NLRP11: variants seen among roughly 807,000 people sequenced by gnomAD.
The protein encoded by NLRP11 is NACHT, LRR and PYD domains-containing protein 11.
A neutral mutation model predicts 79.3 loss-of-function variants in NLRP11; 53 were observed. That is an observed-to-expected ratio of 0.67 (90% CI 0.54 to 0.84). The LOEUF (loss-of-function observed/expected upper bound fraction) is 0.84. Among genes scored for constraint, NLRP11 ranks in the 40% least tolerant of loss-of-function variants. NLRP11 has a pLI of 0.00. For synonymous variants in NLRP11, 518 were observed against 462.6 expected, an observed-to-expected ratio of 1.12 and a Z score of -1.54; for missense variants, 1,264 against 1,255.0, an observed-to-expected ratio of 1.01 and a Z score of -0.11.
In NLRP11 at chr19:55,809,325, CAG is replaced by C; in HGVS notation, c.1283_1284del (p.Ser428CysfsTer15). 6.2e-7 allele frequency: 1 copy of C among 1,614,020 alleles called. No individual in the cohort carries two copies. The highest frequency in any genetic ancestry group is 2.2e-5 in the East Asian group (1 of 44,894). ...AAAAGAATATTCGCGGCCTGCAACA[CAG>C]AGACATCAGCCTCAGTAAACCCAAC... On this transcript the variant is annotated frameshift_variant, in exon 3 of 10. Coordinates refer to ENST00000589093, the Ensembl canonical transcript of NLRP11. LOFTEE classifies it high-confidence loss of function. The surrounding 1 kb of genome is among the most constrained non-coding windows in gnomAD (Gnocchi z 4.5).
chr19:55,801,683 C>G, exon 5 of NLRP11: 1 of 1,613,780 alleles, frequency 6.2e-7, no homozygotes, highest in African/African-American at 1.3e-5. Context: ...GCTCCGATTA[C>G]GAGCCAAAGC....
rs1263471132 is a variant in NLRP11 at position 55,809,585 on chromosome 19, C to T, written c.1025G>A (p.Cys342Tyr). 1 of 1,614,198 alleles carries T rather than the reference C, an allele frequency of 6.2e-7. No homozygotes were observed. The highest frequency in any genetic ancestry group is 1.1e-5 in the South Asian group (1 of 91,078). ...CTTCAGGACAGTACACGTGATCCAGCATAAGATGGCGACTCGGCACAGACC... is the reference window on the plus strand; with the variant it reads ...CTTCAGGACAGTACACGTGATCCAGTATAAGATGGCGACTCGGCACAGACC... Residue 342 changes from cysteine to tyrosine, a missense_variant, in exon 3 of 10, where the codon TGC becomes TAC. Physicochemically the swap from Cys to Tyr is radical, Grantham distance 194. Transcript: ENST00000589093. The surrounding 1 kb of genome is among the most constrained non-coding windows in gnomAD (Gnocchi z 4.5).
intron 5 of NLRP11, among the ~76,000 whole-genome samples, chr19:55,798,649 C>T (rs1979172975): frequency 6.6e-6 from 1 of 152,118 alleles, no homozygotes; most frequent in Non-Finnish European, 1.5e-5. Flanking sequence ...ACACGCATCC[C>T]TGAAGCTAAA....
chr19:55,830,767 C>T (rs79767214), intron 1 of NLRP11, among the ~76,000 whole-genome samples: 14,730 of 102,588 alleles, frequency 0.14, 1,037 homozygotes, highest in African/African-American at 0.42. Flanking sequence ...CTATAAGGTG[C>T]CAACTGAACT....
intron 1 of NLRP11, among the ~76,000 whole-genome samples, chr19:55,821,249 A>ACACC (rs1443325918): frequency 1.2e-3 from 147 of 124,410 alleles, no homozygotes; most frequent in East Asian, 8.1e-3. Flanking sequence ...ACACACACAC[A>ACACC]CCCCAAGCAC....
intron 6 of NLRP11, among the ~76,000 whole-genome samples, chr19:55,794,702 G>T (rs1600175870): frequency 6.6e-6 from 1 of 152,176 alleles, no homozygotes; most frequent in East Asian, 1.9e-4. Flanking sequence ...GGAGCTTGCA[G>T]TGAGCCGAGA....
Position 55,788,792 on chromosome 19 carries a change from A to G in NLRP11, c.2855+15T>C. The stretch of plus-strand genomic sequence containing the variant: ...AAAGAATTTTCCCCATCACCAAGGA[A>G]AATAAGCAACTTACCCAACTACCTT... On this transcript the variant is annotated intron_variant, in intron 9 of 9. Coordinates refer to ENST00000589093, the Ensembl canonical transcript of NLRP11. The G allele has an allele frequency of 1.3e-6, 2 of 1,552,826 alleles. No individual in the cohort carries two copies. The highest frequency in any genetic ancestry group is 2.3e-5 in the East Asian group (1 of 44,168).
chr19:55,806,546 T>C (rs1568634837), intron 4 of NLRP11, among the ~76,000 whole-genome samples: 2 of 152,176 alleles, frequency 1.3e-5, no homozygotes, highest in Admixed American at 6.5e-5. Context: ...AGAGGCACCA[T>C]TGATTCTCAC....
chr19:55,795,997 CCCA>C, intron 6 of NLRP11, 80 bp downstream of exon 6: 1 of 1,269,362 alleles, frequency 7.9e-7, no homozygotes, highest in Non-Finnish European at 1.1e-6. Context: ...TGTCCCTTTC[CCCA>C]CCACTGCTCT....
exon 10 of NLRP11, chr19:55,785,537 A>G (rs1244627604): frequency 8.5e-7 from 1 of 1,180,550 alleles, no homozygotes; most frequent in East Asian, 2.4e-5. Context: ...ACACACACAC[A>G]CATCAAATAG....
intron 7 of NLRP11, 114 bp from the exon 8 acceptor site, chr19:55,789,513 T>C (rs774149236): frequency 7.2e-5 from 67 of 933,278 alleles, no homozygotes; most frequent in Non-Finnish European, 1.1e-4. Context: ...AAGGGACTGC[T>C]TACAGAAACA....
At position 55,787,459 on chromosome 19, in the gene NLRP11, C is replaced by T. The variant is rs371721902; in HGVS notation, c.2855+1348G>A. Among the ~76,000 whole-genome samples, 39 of 152,288 alleles carry T rather than the reference C, an allele frequency of 2.6e-4. No homozygotes were observed. In the East Asian group the frequency reaches 7.0e-3, roughly 27 times the overall value. On this transcript the variant is annotated intron_variant, in intron 9 of 9. Transcript: ENST00000589093. ...TCAAGTGATTCTCGTGCCTCAGCCT[C>T]CCGAGTAGCTGGGATTACAGGTATG...
intron 5 of NLRP11, among the ~76,000 whole-genome samples, chr19:55,798,886 T>TGG (rs530864587): frequency 2.5e-3 from 377 of 151,992 alleles, no homozygotes; most frequent in African/African-American, 8.5e-3. Context: ...AGGTGGGAGA[T>TGG]GGGTTGGTCT....
chr19:55,794,771 AT>A (rs1568628978), intron 6 of NLRP11, among the ~76,000 whole-genome samples: 1 of 152,278 alleles, frequency 6.6e-6, no homozygotes, highest in Non-Finnish European at 1.5e-5. Context: ...AAAAAAAAAA[AT>A]AAATAAAAGC....
Position 55,809,486 on chromosome 19 carries a change from G to A in NLRP11, c.1124C>T (p.Ala375Val), listed in dbSNP as rs1486925805. Residue 375 changes from alanine (A) to valine (V), a missense_variant, in exon 3 of 10, where the codon GCT (alanine) becomes GTT (valine). Ala to Val is a moderately conservative substitution (Grantham distance 64). Transcript: ENST00000589093. The surrounding 1 kb of genome is among the most constrained non-coding windows in gnomAD (Gnocchi z 4.5). ...TCCAGCCTCTGATGTCAACGCATCAGCAAGAAAGTGGGCATGTAGATCAGT... is the reference window on the plus strand; with the variant it reads ...TCCAGCCTCTGATGTCAACGCATCAACAAGAAAGTGGGCATGTAGATCAGT... The A allele has an allele frequency of 1.9e-6, 3 of 1,614,176 alleles. No homozygotes were observed. The highest frequency in any genetic ancestry group is 2.5e-6 in the Non-Finnish European group (3 of 1,180,040).
chr19:55,809,141 T>A lies in NLRP11; in HGVS notation c.1469A>T (p.Gln490Leu). The A allele has an allele frequency of 1.2e-6, 2 of 1,613,954 alleles. No individual in the cohort carries two copies. Among genetic ancestry groups the A allele is most frequent in the Non-Finnish European group, 1.7e-6 (2 of 1,179,968 alleles). ...AAGACCAAAAATGAAAGTAAACACT[T>A]GATTAAAGTCAGAGTATTGTTCTCT... is the stretch of plus-strand genomic sequence containing the variant. The change falls in exon 3 of 10, where the codon CAA becomes CTA. Residue 490 changes from glutamine to leucine, a missense_variant. Coordinates refer to ENST00000589093, the Ensembl canonical transcript of NLRP11. The surrounding 1 kb of genome is among the most constrained non-coding windows in gnomAD (Gnocchi z 4.5).
intron 4 of NLRP11, among the ~76,000 whole-genome samples, chr19:55,805,035 C>T (rs1013081244): frequency 6.6e-6 from 1 of 152,062 alleles, no homozygotes; most frequent in African/African-American, 2.4e-5. Context: ...GCACTCTAGC[C>T]TGGGTGACAG....
intron 6 of NLRP11, among the ~76,000 whole-genome samples, chr19:55,794,833 T>G (rs1978663871): frequency 6.6e-6 from 1 of 152,324 alleles, no homozygotes; most frequent in African/African-American, 2.4e-5. Context: ...GGTGTTATCC[T>G]GCAATCAAAC....
chr19:55,798,623 T>C (rs1255043451), intron 5 of NLRP11, among the ~76,000 whole-genome samples: 1 of 152,182 alleles, frequency 6.6e-6, no homozygotes, highest in East Asian at 1.9e-4. Context: ...CAAGTTTACC[T>C]GTGTAACAAA....
Sources: gnomAD v4.1 joint callset for allele counts (sites outside exome capture counted in the v4.1 genomes callset) on GRCh38, gnomAD v4.1.1 for gene constraint, Gnocchi (gnomAD v3.1) non-coding constraint, MANE v1.5 for transcripts, NCBI Gene and HGNC (gene_info 2026-07-23, HGNC 2026-07-21) for gene names.